ZNF423: variants seen among roughly 807,000 people sequenced by gnomAD.
The protein encoded by ZNF423 is Ebf-associated zinc finger protein.
A neutral mutation model predicts 95.8 loss-of-function variants in ZNF423; 12 were observed. The ratio of observed to expected loss-of-function variants is 0.13; its 90% CI spans 0.08 to 0.20. The LOEUF is 0.20. Ranked by LOEUF, ZNF423 falls within the 10% of genes least tolerant of loss-of-function variation. The probability of loss-of-function intolerance (pLI) is 1.00; values close to 1 mark genes in which losing one functional copy is unlikely to be tolerated. For synonymous variants in ZNF423, 749 were observed against 711.9 expected (o/e 1.05, Z -0.83); for missense variants, 1,316 against 1,737.1 (o/e 0.76, Z 4.31).
chr16:49,577,910 C>A (rs1254128878), intron 5 of ZNF423, among the ~76,000 whole-genome samples: 1 of 152,236 alleles, frequency 6.6e-6, no homozygotes, highest in South Asian at 2.1e-4. Flanking sequence ...GCCTCTGAAA[C>A]TCTGCACTCA....
intron 2 of ZNF423, among the ~76,000 whole-genome samples, chr16:49,770,195 A>C (rs1314446256): frequency 9.2e-6 from 1 of 108,180 alleles, no homozygotes; most frequent in African/African-American, 4.4e-5. Context: ...AATGAATAAA[A>C]GAATGAACGA....
intron 1 of ZNF423, among the ~76,000 whole-genome samples, chr16:49,848,052 T>C (rs1392560674): frequency 1.3e-5 from 2 of 151,864 alleles, no homozygotes; most frequent in African/African-American, 2.4e-5. Context: ...TGCAGTGAAC[T>C]ACGATCACGT....
At chr16:49,853,918 G>C (rs2144133752) in intron 1 of ZNF423, 1 of 985,378 alleles carries the variant, frequency 1.0e-6, no homozygotes, top group South Asian at 4.7e-5. Flanking sequence ...AACTGCCTGA[G>C]TTAAATAAAA....
At chr16:49,620,335 A>C (rs1972027076) in intron 5 of ZNF423, among the ~76,000 whole-genome samples, 1 of 152,116 alleles carries the variant, frequency 6.6e-6, no homozygotes, top group African/African-American at 2.4e-5. Context: ...AAGAGGACAC[A>C]CAAGGACAGA....
chr16:49,675,149 A>G (rs541564873), intron 3 of ZNF423, among the ~76,000 whole-genome samples: 3 of 152,308 alleles, frequency 2.0e-5, no homozygotes, highest in South Asian at 4.1e-4. Flanking sequence ...GTCTACTAAC[A>G]TGCTGTGTGA....
chr16:49,716,652 C>T (rs886879387), intron 3 of ZNF423, among the ~76,000 whole-genome samples: 1 of 152,160 alleles, frequency 6.6e-6, no homozygotes, highest in African/African-American at 2.4e-5. Flanking sequence ...TAGACCAGTG[C>T]CAGAGTTAAA....
chr16:49,712,762 G>A lies in ZNF423; in HGVS notation c.301+18009C>T, dbSNP rs1425684446. On this transcript the variant is annotated intron_variant, in intron 3 of 7. Coordinates refer to ENST00000563137, the MANE Select transcript of ZNF423 (RefSeq NM_001379286.1). ...CCTCTGGGGGTCCCGGGAGCGGCGC[G>A]ATCCGCGAGTGGAAACCACGTGTGA... Among the ~76,000 whole-genome samples the A allele has an allele frequency of 5.3e-5, 8 of 152,340 alleles. No homozygotes were observed. In the East Asian group the frequency reaches 9.7e-4, roughly 18 times the overall value.
chr16:49,780,347 T>C (rs1006375827), intron 2 of ZNF423, among the ~76,000 whole-genome samples: 1 of 152,164 alleles, frequency 6.6e-6, no homozygotes, highest in Admixed American at 6.5e-5. Flanking sequence ...CTCAGAGAAC[T>C]GGTCCAAGGC....
chr16:49,525,623 C>T, intron 5 of ZNF423, 129 bp from the exon 6 acceptor site: 1 of 1,323,210 alleles, frequency 7.6e-7, no homozygotes, highest in East Asian at 2.4e-5. Flanking sequence ...GGTGAAGGGA[C>T]TGCAGACACC....
intron 1 of ZNF423, among the ~76,000 whole-genome samples, chr16:49,820,469 G>A (rs2034924515): frequency 6.6e-6 from 1 of 152,208 alleles, no homozygotes; most frequent in African/African-American, 2.4e-5. Flanking sequence ...CTCCAGTTCT[G>A]AGTGTCTTAA....
intron 7 of ZNF423, chr16:49,518,576 G>A (rs988708451): frequency 9.6e-6 from 4 of 416,826 alleles, no homozygotes; most frequent in African/African-American, 2.2e-5. Context: ...AAACTCAGAT[G>A]TTCCATTGCA....
chr16:49,588,916 G>A lies in ZNF423; in HGVS notation c.3601+37254C>T, dbSNP rs62030982. ...CTTGATCACTTCTGCCAGTTTTATC[G>A]GACAGCTGCTCTCCAACAGAACTGG... On this transcript the variant is annotated intron_variant, in intron 5 of 7. Coordinates refer to ENST00000563137, the MANE Select transcript of ZNF423 (RefSeq NM_001379286.1). Among the ~76,000 whole-genome samples, 1,514 of 152,240 alleles carry A rather than the reference G, an allele frequency of 9.9e-3. 11 individuals carry two copies. The highest frequency in any genetic ancestry group is 0.016 in the Non-Finnish European group (1,073 of 68,024).
chr16:49,813,302 T>G (rs2034783502), intron 1 of ZNF423, among the ~76,000 whole-genome samples: 1 of 150,610 alleles, frequency 6.6e-6, no homozygotes, highest in Admixed American at 6.6e-5. Flanking sequence ...GTGCCCCGAC[T>G]CCAGGCAGCC....
chr16:49,675,955 C>G (rs1013375692), intron 3 of ZNF423, among the ~76,000 whole-genome samples: 1 of 152,226 alleles, frequency 6.6e-6, no homozygotes, highest in Non-Finnish European at 1.5e-5. Flanking sequence ...CACGCACACA[C>G]GCACCTGCAT....
intron 5 of ZNF423, among the ~76,000 whole-genome samples, chr16:49,570,629 T>C (rs758667727): frequency 2.0e-5 from 3 of 152,212 alleles, no homozygotes; most frequent in Non-Finnish European, 2.9e-5. Context: ...AACCACTTAA[T>C]TGAATTCAGA....
Position 49,637,281 on chromosome 16 carries a change from G to C in ZNF423, c.1895C>G (p.Ala632Gly). 6.2e-7 allele frequency: 1 copy of C among 1,614,224 alleles called. No individual in the cohort carries two copies. The highest frequency in any genetic ancestry group is 8.5e-7 in the Non-Finnish European group (1 of 1,180,044). Reference sequence around the variant, plus strand: ...ATACTCCCCATTGGAGATGGAGTTGGCGCTTGCTGAGAGCCGCTGCCGCTT... The same window carrying C: ...ATACTCCCCATTGGAGATGGAGTTGCCGCTTGCTGAGAGCCGCTGCCGCTT... ...SPKRQRLSAS[A>G]NSISNGEYPC... Residue 632 changes from alanine (A) to glycine (G), a missense_variant, in exon 4 of 8, where the codon GCC becomes GGC. Transcript: ENST00000563137. This position sits in a 1 kb window ranked among gnomAD's most constrained non-coding sequence, Gnocchi z 5.6.
chr16:49,638,671 T>C lies in ZNF423; in HGVS notation c.505A>G (p.Ser169Gly). Residue 169 changes from serine (S) to glycine (G), a missense_variant, in exon 4 of 8, where the codon AGC (serine) becomes GGC (glycine). Physicochemically the swap from Ser to Gly is moderately conservative, Grantham distance 56 (BLOSUM62 0). This residue lies in a region of ZNF423 where 58 missense variants were observed against 116.9 expected (regional missense o/e 0.50). Coordinates refer to ENST00000563137, the MANE Select transcript of ZNF423 (RefSeq NM_001379286.1). The surrounding 1 kb of genome is among the most constrained non-coding windows in gnomAD (Gnocchi z 5.6). ...SYLKRHEQIH[S>G]DKLPFKCTYC... ...GTGCACTTGAACGGCAGCTTGTCGCTGTGGATCTGCTCGTGCCTCTTCAAG... is the reference window on the plus strand; with the variant it reads ...GTGCACTTGAACGGCAGCTTGTCGCCGTGGATCTGCTCGTGCCTCTTCAAG... 1.9e-6 allele frequency: 3 copies of C among 1,614,110 alleles called. No individual in the cohort carries two copies. The highest frequency in any genetic ancestry group is 1.7e-6 in the Non-Finnish European group (2 of 1,180,040).
Position 49,739,762 on chromosome 16 carries a change from G to A in ZNF423, c.101-8791C>T, listed in dbSNP as rs930660269. On this transcript the variant is annotated intron_variant, in intron 2 of 7. Coordinates refer to ENST00000563137, the MANE Select transcript of ZNF423 (RefSeq NM_001379286.1). ...CACCGAGGGTGGAGTGCAGTGATGC[G>A]ATCTCAGCTCACTGCAGCCTTGAAC... Among the ~76,000 whole-genome samples, 24 of 143,430 alleles carry A rather than the reference G, an allele frequency of 1.7e-4. No homozygotes were observed. In the East Asian group the frequency reaches 3.7e-3, roughly 22 times the overall value. The allele number at this position is 143,430 out of a possible 152,430, so 94.1% of individuals were successfully genotyped here. A position where few individuals can be genotyped will look rare whatever the true frequency, so the allele number is the denominator to read the frequency against.
intron 3 of ZNF423, among the ~76,000 whole-genome samples, chr16:49,652,594 G>A (rs941020233): frequency 2.0e-5 from 3 of 152,322 alleles, no homozygotes. Flanking sequence ...AGGAGTTGGC[G>A]CCTTGTGAAG....
Sources: gnomAD v4.1 joint callset for allele counts (sites outside exome capture counted in the v4.1 genomes callset) on GRCh38, gnomAD v4.1.1 for gene constraint, gnomAD v4.1.1 regional missense constraint, Gnocchi (gnomAD v3.1) non-coding constraint, MANE v1.5 for transcripts, NCBI Gene and HGNC (gene_info 2026-07-23, HGNC 2026-07-21) for gene names.